The following ARHGAP24 variants were observed in gnomAD, a reference collection of about 807,000 sequenced individuals.
ARHGAP24 encodes Rho GTPase activating protein 24, also known as rho GTPase-activating protein 24.
ARHGAP24 carries 50 observed loss-of-function variants against 76.4 expected under a neutral mutation model. That is an observed-to-expected ratio of 0.65 (90% confidence interval 0.52 to 0.83). ARHGAP24 has a LOEUF of 0.83. Among genes scored for constraint, ARHGAP24 ranks in the 40% least tolerant of loss-of-function variants. The pLI, the probability that ARHGAP24 is intolerant of heterozygous loss-of-function variation, is 0.00. For synonymous variants in ARHGAP24, 345 were observed against 323.3 expected, an observed-to-expected ratio of 1.07 and a Z score of -0.72; for missense variants, 930 against 914.2, an observed-to-expected ratio of 1.02 and a Z score of -0.22.
intron 1 of ARHGAP24, among the ~76,000 whole-genome samples, chr4:85,568,328 G>T (rs1385588354): frequency 1.3e-5 from 2 of 151,832 alleles, no homozygotes. Flanking sequence ...AGGGGGGCGT[G>T]TGTGTGTGGT....
chr4:85,741,580 G>A (rs901879316), intron 3 of ARHGAP24, among the ~76,000 whole-genome samples: 3 of 152,186 alleles, frequency 2.0e-5, no homozygotes, highest in Non-Finnish European at 4.4e-5. Flanking sequence ...CAAAAAGCTG[G>A]TAGATGATGG....
chr4:85,600,525 G>A (rs1344909618), intron 2 of ARHGAP24, among the ~76,000 whole-genome samples: 1 of 152,154 alleles, frequency 6.6e-6, no homozygotes, highest in African/African-American at 2.4e-5. Flanking sequence ...AGATCTAGAA[G>A]ACACAGCACA....
chr4:85,855,913 A>G (rs1731530666), intron 3 of ARHGAP24, among the ~76,000 whole-genome samples: 1 of 152,186 alleles, frequency 6.6e-6, no homozygotes, highest in Non-Finnish European at 1.5e-5. Context: ...ATCAATTTTA[A>G]TTGATTTTTA....
chr4:85,867,465 G>A (rs1732258177), intron 3 of ARHGAP24, among the ~76,000 whole-genome samples: 1 of 152,072 alleles, frequency 6.6e-6, no homozygotes, highest in Non-Finnish European at 1.5e-5. Context: ...ATCAGAGATG[G>A]TGACAAACTC....
At chr4:85,827,835 C>T in intron 3 of ARHGAP24, 1 of 1,082,806 alleles carries the variant, frequency 9.2e-7, no homozygotes, top group Middle Eastern at 2.8e-4. Flanking sequence ...ATGGGAGAAA[C>T]TGCAGTGAGC....
chr4:85,584,819 A>AT (rs1187967052), intron 2 of ARHGAP24, among the ~76,000 whole-genome samples: 4 of 152,164 alleles, frequency 2.6e-5, no homozygotes, highest in Admixed American at 1.3e-4. Flanking sequence ...ACAGCTTGTC[A>AT]TATCCCTGCT....
intron 2 of ARHGAP24, among the ~76,000 whole-genome samples, chr4:85,653,617 G>A (rs551903669): frequency 7.2e-5 from 11 of 152,114 alleles, no homozygotes; most frequent in Admixed American, 2.0e-4. Flanking sequence ...GGGATTACAG[G>A]TGCCTGTCAC....
chr4:85,634,472 T>C (rs80014507), intron 2 of ARHGAP24, among the ~76,000 whole-genome samples: 3,682 of 151,990 alleles, frequency 0.024, 145 homozygotes, highest in African/African-American at 0.083. Context: ...CTACTGTATA[T>C]TGAATGAGTT....
intron 3 of ARHGAP24, among the ~76,000 whole-genome samples, chr4:85,814,199 G>A (rs1397654376): frequency 6.6e-6 from 1 of 151,996 alleles, no homozygotes; most frequent in East Asian, 1.9e-4. Context: ...TTTGGGTAGG[G>A]ATACAGAGCC....
intron 3 of ARHGAP24, chr4:85,827,742 G>C: frequency 2.7e-6 from 1 of 365,296 alleles, no homozygotes; most frequent in Admixed American, 3.7e-5. Context: ...GCAGGACTCA[G>C]CGTTTTTACC....
At chr4:85,751,553 A>C (rs1314324498) in intron 3 of ARHGAP24, among the ~76,000 whole-genome samples, 1 of 152,200 alleles carries the variant, frequency 6.6e-6, no homozygotes, top group African/African-American at 2.4e-5. Flanking sequence ...TCTCAGCCCA[A>C]TTTTGTTTGT....
At chr4:85,761,599 T>A (rs1445737394) in intron 3 of ARHGAP24, among the ~76,000 whole-genome samples, 1 of 152,170 alleles carries the variant, frequency 6.6e-6, no homozygotes, top group East Asian at 1.9e-4. Flanking sequence ...ACTTTTTTAT[T>A]TTAAGGAAGA....
intron 3 of ARHGAP24, among the ~76,000 whole-genome samples, chr4:85,911,145 G>T (rs1255929887): frequency 6.6e-6 from 1 of 152,176 alleles, no homozygotes; most frequent in Non-Finnish European, 1.5e-5. Flanking sequence ...CAGGAGGGCG[G>T]GGCTCCTGCC....
chr4:85,898,890 T>C (rs1316186097), intron 3 of ARHGAP24, among the ~76,000 whole-genome samples: 1 of 152,096 alleles, frequency 6.6e-6, no homozygotes, highest in African/African-American at 2.4e-5. Context: ...ATTACAGGTG[T>C]CCACCACCAT....
At chr4:85,941,664 C>G (rs1291792471) in intron 4 of ARHGAP24, among the ~76,000 whole-genome samples, 1 of 152,076 alleles carries the variant, frequency 6.6e-6, no homozygotes. Flanking sequence ...AAATATAAAA[C>G]TGTAATAAAG....
chr4:85,522,941 T>C (rs1724845118), intron 1 of ARHGAP24, among the ~76,000 whole-genome samples: 1 of 152,176 alleles, frequency 6.6e-6, no homozygotes, highest in Non-Finnish European at 1.5e-5. Context: ...TTCAAACAAT[T>C]CCTTTTTGTC....
At chr4:85,624,882 T>C (rs1448983867) in intron 2 of ARHGAP24, among the ~76,000 whole-genome samples, 1 of 152,234 alleles carries the variant, frequency 6.6e-6, no homozygotes, top group Admixed American at 6.5e-5. Flanking sequence ...CAGTATTCTC[T>C]GATCGTAGTT....
chr4:85,955,216 G>A (rs1207232272), intron 5 of ARHGAP24, among the ~76,000 whole-genome samples: 1 of 151,736 alleles, frequency 6.6e-6, no homozygotes, highest in East Asian at 1.9e-4. Flanking sequence ...ATAAGCCCAT[G>A]CTCCCCCCGC....
chr4:85,483,769 A>G (rs1223564114), intron 1 of ARHGAP24, among the ~76,000 whole-genome samples: 2 of 152,198 alleles, frequency 1.3e-5, no homozygotes, highest in African/African-American at 4.8e-5. Flanking sequence ...AAAAATAAAT[A>G]TTTTTAAAAA....
Sources: gnomAD v4.1 joint callset for allele counts (sites outside exome capture counted in the v4.1 genomes callset) on GRCh38, gnomAD v4.1.1 for gene constraint, MANE v1.5 for transcripts, NCBI Gene and HGNC (gene_info 2026-07-23, HGNC 2026-07-21) for gene names.